Variants in PBX1 observed in about 807,000 individuals in gnomAD.
PBX1 encodes the protein pre-B-cell leukemia transcription factor 1.
Under a neutral mutation model 53.4 loss-of-function variants are expected in PBX1, and 6 were observed. The observed-to-expected ratio is 0.11, with a 90% CI of 0.06 to 0.22. The LOEUF is 0.22. Among genes scored for constraint, PBX1 ranks in the 10% least tolerant of loss-of-function variants. The pLI is 1.00. For missense variants in PBX1, 251 were observed against 551.4 expected (o/e 0.46, Z 5.46); for synonymous variants, 204 against 212.3 (o/e 0.96, Z 0.34).
intron 4 of PBX1, among the ~76,000 whole-genome samples, chr1:164,803,274 A>G (rs891030306): frequency 1.7e-4 from 26 of 152,300 alleles, no homozygotes; most frequent in African/African-American, 6.3e-4. Flanking sequence ...AGAACACCAC[A>G]TGTTACACAT....
chr1:164,579,067 C>T (rs1280801678), intron 2 of PBX1, among the ~76,000 whole-genome samples: 1 of 151,940 alleles, frequency 6.6e-6, no homozygotes, highest in South Asian at 2.1e-4. Context: ...GACATTTGCT[C>T]ACCTGGGCAG....
chr1:164,840,152 A>C (rs1291308881), intron 8 of PBX1, among the ~76,000 whole-genome samples: 1 of 152,218 alleles, frequency 6.6e-6, no homozygotes, highest in African/African-American at 2.4e-5. Flanking sequence ...AGATGGTCTC[A>C]ACCACAAGAA....
rs949971073 is a variant in PBX1, at chr1:164,561,185, T to C, written c.191+1172T>C. Among the ~76,000 whole-genome samples the C allele has an allele frequency of 3.9e-5, 6 of 152,228 alleles. No homozygotes were observed. In the South Asian group the frequency reaches 1.0e-3, roughly 26 times the overall value. On this transcript the variant is annotated intron_variant, in intron 1 of 8. Coordinates refer to ENST00000420696, the MANE Select transcript of PBX1 (RefSeq NM_002585.4). Reference sequence around the variant, plus strand: ...TCTTTGAAAACCCTGTAAACAAATATACGCAACTCCTATACTTCAGATGAC... The same window carrying C: ...TCTTTGAAAACCCTGTAAACAAATACACGCAACTCCTATACTTCAGATGAC...
intron 2 of PBX1, among the ~76,000 whole-genome samples, chr1:164,685,286 G>A (rs1662033980): frequency 6.6e-6 from 1 of 152,124 alleles, no homozygotes; most frequent in Admixed American, 6.5e-5. Context: ...AGGTGGAAAT[G>A]GCTTTTTTGG....
chr1:164,882,890 CTATAT>C (rs1384458696), intron 2 of PBX1, among the ~76,000 whole-genome samples: 1 of 152,144 alleles, frequency 6.6e-6, no homozygotes, highest in African/African-American at 2.4e-5. Flanking sequence ...AAATTTGGAA[CTATAT>C]TTTCTCAGCC....
intron 2 of PBX1, among the ~76,000 whole-genome samples, chr1:164,614,141 T>C (rs1205809293): frequency 6.6e-6 from 1 of 152,200 alleles, no homozygotes; most frequent in Non-Finnish European, 1.5e-5. Flanking sequence ...TTCTTCCTTA[T>C]GTTGGGACCT....
intron 2 of PBX1, among the ~76,000 whole-genome samples, chr1:164,586,799 T>C (rs1654977258): frequency 6.6e-6 from 1 of 152,146 alleles, no homozygotes; most frequent in Non-Finnish European, 1.5e-5. Context: ...GCAGTGAATA[T>C]GGAGCTGGAG....
chr1:164,659,977 T>A (rs1660387439), intron 2 of PBX1, among the ~76,000 whole-genome samples: 1 of 152,194 alleles, frequency 6.6e-6, no homozygotes, highest in Admixed American at 6.5e-5. Context: ...TGCCTATCTG[T>A]CCAATAAATT....
chr1:164,826,229 A>G (rs559789172), intron 8 of PBX1, among the ~76,000 whole-genome samples: 2 of 152,226 alleles, frequency 1.3e-5, no homozygotes, highest in Non-Finnish European at 2.9e-5. Flanking sequence ...AAACTCTTTC[A>G]TTAGAGTTAG....
At chr1:164,859,604 C>G (rs958813995) in intron 2 of PBX1, among the ~76,000 whole-genome samples, 1 of 152,170 alleles carries the variant, frequency 6.6e-6, no homozygotes, top group African/African-American at 2.4e-5. Flanking sequence ...AGCAAAATCT[C>G]TGCTGAAAAG....
At chr1:164,682,966 C>A (rs1046499737) in intron 2 of PBX1, 1 of 152,148 alleles carries the variant, frequency 6.6e-6, no homozygotes, top group Non-Finnish European at 1.5e-5. Flanking sequence ...TGCTCAGAAC[C>A]CAGGCTGTGA....
chr1:164,835,091 T>G (rs1055555256), intron 8 of PBX1, among the ~76,000 whole-genome samples: 1 of 152,170 alleles, frequency 6.6e-6, no homozygotes, highest in Non-Finnish European at 1.5e-5. Context: ...CCTATATTAC[T>G]AAAAATGTGT....
intron 2 of PBX1, among the ~76,000 whole-genome samples, chr1:164,575,437 G>C (rs1438874424): frequency 2.0e-5 from 3 of 152,206 alleles, no homozygotes; most frequent in Non-Finnish European, 4.4e-5. Flanking sequence ...GAATCTGCCA[G>C]TAGGTCAGAG....
rs148846595 is a variant in PBX1 at position 164,657,694 on chromosome 1, G to T, written c.265+94383G>T. Among the ~76,000 whole-genome samples, 590 of 152,284 alleles carry T rather than the reference G, an allele frequency of 3.9e-3. 3 individuals are homozygous for T. The highest frequency in any genetic ancestry group is 7.0e-3 in the Non-Finnish European group (475 of 68,026). ...GGCATATTGTTTTTTGGGGAATCGG[G>T]AGTTTTCTCAAGTAGAAAGAAGCCC... On this transcript the variant is annotated intron_variant, in intron 2 of 8. Transcript: ENST00000420696.
At chr1:164,589,543 C>G (rs897443024) in intron 2 of PBX1, among the ~76,000 whole-genome samples, 1 of 152,174 alleles carries the variant, frequency 6.6e-6, no homozygotes, top group Non-Finnish European at 1.5e-5. Flanking sequence ...CAAATTACTT[C>G]TTCCAGAGTG....
At chr1:164,834,009 A>T (rs1214342288) in intron 8 of PBX1, among the ~76,000 whole-genome samples, 2 of 141,166 alleles carry the variant, frequency 1.4e-5, no homozygotes, top group African/African-American at 2.7e-5. Flanking sequence ...TATACCCTGG[A>T]TATGGGTATA....
At chr1:164,682,874 G>C (rs1207411693) in intron 2 of PBX1, 2 of 152,346 alleles carry the variant, frequency 1.3e-5, no homozygotes, top group East Asian at 3.9e-4. Context: ...CCTTGCAGAT[G>C]GGATCCTTGC....
chr1:164,649,024 C>T (rs1258411507), intron 2 of PBX1, among the ~76,000 whole-genome samples: 1 of 152,098 alleles, frequency 6.6e-6, no homozygotes, highest in Non-Finnish European at 1.5e-5. Context: ...TCCAAGATGA[C>T]ACACCTCTGT....
At position 164,875,988 on chromosome 1, in the gene PBX1, GTATATA is replaced by G. The variant is rs369277110; in HGVS notation, n.258-23187_258-23182del. 7.0e-5 allele frequency among the ~76,000 whole-genome samples: 4 copies of G among 56,954 alleles called. 1 individual carries two copies. The highest frequency in any genetic ancestry group is 1.7e-4 in the African/African-American group (4 of 23,898). 37.4% of individuals were successfully genotyped at this position (56,954 alleles called of 152,430 possible). On this transcript the variant is annotated intron_variant and non_coding_transcript_variant, in intron 2 of 2. Coordinates refer to the PBX1 transcript ENST00000558796. ...ATACCTATATATATTTGGTGTATGT[GTATATA>G]TATATATATATACACACATACACCA...
Sources: gnomAD v4.1 joint callset for allele counts (sites outside exome capture counted in the v4.1 genomes callset) on GRCh38, gnomAD v4.1.1 for gene constraint, MANE v1.5 for transcripts, NCBI Gene and HGNC (gene_info 2026-07-23, HGNC 2026-07-21) for gene names.